The following ATM variants were observed in gnomAD, a reference collection of about 807,000 sequenced individuals.
ATM encodes the protein ATM serine/threonine kinase, also known as serine-protein kinase ATM.
A neutral mutation model predicts 387.0 loss-of-function variants in ATM; 308 were observed. The ratio of observed to expected loss-of-function variants is 0.80; its 90% CI spans 0.73 to 0.87. The LOEUF is 0.87. ATM is among the 40% of genes least tolerant of loss of function. The pLI, the probability that ATM is intolerant of heterozygous loss-of-function variation, is 0.00. For missense variants in ATM, 3,312 were observed against 3,560.9 expected (o/e 0.93, Z 1.78); for synonymous variants, 1,156 against 1,187.3 (o/e 0.97, Z 0.54).
chr11:108,349,480 T>C (rs1224378228), intron 59 of ATM, among the ~76,000 whole-genome samples: 2 of 152,094 alleles, frequency 1.3e-5, no homozygotes, highest in African/African-American at 4.8e-5. Context: ...CTGGCCAACA[T>C]GGTGAAACCC....
rs2137353155 is a variant in ATM at position 108,354,865 on chromosome 11, C to T, written c.8841C>T (p.Thr2947=). 6.2e-7 allele frequency: 1 copy of T among 1,612,702 alleles called. No homozygotes were observed. The highest frequency in any genetic ancestry group is 8.5e-7 in the Non-Finnish European group (1 of 1,178,806). ...GAAACTCTCAGGAAACTCTGTTAAC[C>T]ATTGTAGAGGTAAAGTATTTTATAA... is the stretch of plus-strand genomic sequence containing the variant. The part of the protein sequence containing the change: ...VMRNSQETLL[T]IVEVLLYDPL... The change falls in exon 61 of 63, where the codon ACC becomes ACT. Residue 2947 remains threonine, a synonymous_variant. Coordinates refer to ENST00000675843, the MANE Select transcript of ATM (RefSeq NM_000051.4).
intron 39 of ATM, 76 bp downstream of exon 39, chr11:108,310,391 A>G (rs1001891996): frequency 1.4e-6 from 2 of 1,386,872 alleles, no homozygotes; most frequent in Non-Finnish European, 2.0e-6. Context: ...GTAAAGATTT[A>G]TTTTGCCTCC....
At chr11:108,225,703 C>G (rs1465552763) in intron 1 of ATM, 3 of 152,216 alleles carry the variant, frequency 2.0e-5, no homozygotes, top group African/African-American at 7.2e-5. Context: ...GTCTCGAACT[C>G]CTGACCTCGT....
chr11:108,261,313 T>G (rs1164925967), intron 16 of ATM, among the ~76,000 whole-genome samples: 2 of 152,204 alleles, frequency 1.3e-5, no homozygotes, highest in African/African-American at 4.8e-5. Context: ...CCTCCTCAAG[T>G]GGGTCCCTGA....
chr11:108,335,367 G>T (rs2136676520), intron 55 of ATM: 2 of 1,155,816 alleles, frequency 1.7e-6, no homozygotes, highest in East Asian at 6.4e-5. Flanking sequence ...TGTACAGTGA[G>T]GTTGCTTCTT....
Position 108,368,483 on chromosome 11 carries a change from T to A in ATM, c.*2975T>A, listed in dbSNP as rs1169866522. On this transcript the variant is annotated 3_prime_UTR_variant, in exon 63 of 63. Coordinates refer to ENST00000675843, the MANE Select transcript of ATM (RefSeq NM_000051.4). Reference sequence around the variant, plus strand: ...TTACTTTGCAAGATTAGTGATACTATCCCAATACACTGCTGGAGAAATCAG... The same window carrying A: ...TTACTTTGCAAGATTAGTGATACTAACCCAATACACTGCTGGAGAAATCAG... 5 of 213,942 alleles carry A rather than the reference T, an allele frequency of 2.3e-5. No homozygotes were observed. Among genetic ancestry groups the A allele is most frequent in the Non-Finnish European group, 4.7e-5 (5 of 106,066 alleles). 13.3% of individuals were successfully genotyped at this position (213,942 alleles called of 1,614,324 possible). A position where few individuals can be genotyped will look rare whatever the true frequency, so the allele number is the denominator to read the frequency against.
intron 56 of ATM, 44 bp downstream of exon 56, chr11:108,336,005 G>C (rs1387244932): frequency 6.8e-7 from 1 of 1,472,966 alleles, no homozygotes; most frequent in South Asian, 1.1e-5. Context: ...ACATATAAAA[G>C]ATGCCATTTG....
chr11:108,294,149 A>G (rs529372867), intron 31 of ATM, among the ~76,000 whole-genome samples: 25 of 152,004 alleles, frequency 1.6e-4, no homozygotes, highest in African/African-American at 6.0e-4. Flanking sequence ...CTACCAATGG[A>G]TCTTTTCAAT....
At chr11:108,317,648 TATATAC>T (rs1412713480) in intron 43 of ATM, 127 bp downstream of exon 43, 158 of 133,350 alleles carry the variant, frequency 1.2e-3, no homozygotes, top group African/African-American at 3.6e-3. Context: ...TATATATATA[TATATAC>T]ACACACACAC....
At chr11:108,255,956 T>TTA in intron 13 of ATM, among the ~76,000 whole-genome samples, 1 of 152,142 alleles carries the variant, frequency 6.6e-6, no homozygotes, top group Admixed American at 6.5e-5. Context: ...GGCCTATGTG[T>TTA]ACAGTACACC....
chr11:108,267,813 A>C (rs1057400557), intron 17 of ATM, among the ~76,000 whole-genome samples: 3 of 152,234 alleles, frequency 2.0e-5, no homozygotes, highest in Admixed American at 6.5e-5. Context: ...AGCCGAGATC[A>C]TGCCACTGCA....
chr11:108,362,497 C>G (rs1463276594), intron 61 of ATM, among the ~76,000 whole-genome samples: 1,862 of 149,672 alleles, frequency 0.012, 47 homozygotes, highest in African/African-American at 0.042. Context: ...GACACATGCA[C>G]ACGTATGTTT....
intron 61 of ATM, among the ~76,000 whole-genome samples, chr11:108,364,316 AT>A (rs944548834): frequency 3.8e-4 from 58 of 152,156 alleles, no homozygotes; most frequent in Middle Eastern, 3.4e-3. Flanking sequence ...GCTAAAGCCT[AT>A]TTTTTTTAAA....
intron 16 of ATM, among the ~76,000 whole-genome samples, chr11:108,265,158 A>G (rs2081152427): frequency 6.6e-6 from 1 of 151,672 alleles, no homozygotes; most frequent in African/African-American, 2.4e-5. Flanking sequence ...GAACCAAAAA[A>G]GAGCCCGCAT....
rs35813135 is a variant in ATM at position 108,268,574 on chromosome 11, A to C, written c.2803A>C (p.Thr935Pro). ...ATTGTTAATGTTAATTGATTCTAGC[A>C]CGCTAGAACCTACCAAATCCCTCCA... Reference protein sequence around the residue: ...RKLLMLIDSSTLEPTKSLHLH... With the variant: ...RKLLMLIDSSPLEPTKSLHLH... The change falls in exon 18 of 63, where the codon ACG becomes CCG. Residue 935 changes from threonine (T) to proline (P), a missense_variant. Coordinates refer to ENST00000675843, the MANE Select transcript of ATM (RefSeq NM_000051.4). The C allele has an allele frequency of 2.5e-6, 4 of 1,614,060 alleles. No homozygotes were observed. Among genetic ancestry groups the C allele is most frequent in the Non-Finnish European group, 2.5e-6 (3 of 1,179,992 alleles).
At position 108,312,435 on chromosome 11, in the gene ATM, C is replaced by T. The variant is rs769252226; in HGVS notation, c.5943C>T (p.Ser1981=). 2 of 1,596,180 alleles carry T rather than the reference C, an allele frequency of 1.3e-6. No homozygotes were observed. Among genetic ancestry groups the T allele is most frequent in the South Asian group, 2.2e-5 (2 of 90,700 alleles). Residue 1981 remains serine (S), a synonymous_variant, in exon 40 of 63, where the codon AGC becomes AGT. Coordinates refer to ENST00000675843, the MANE Select transcript of ATM (RefSeq NM_000051.4). ...GAAGTCTTGCATTTGAAGAAGGAAG[C>T]CAGAGTACAACTATTTCTAGCTTGA... ...EKRSLAFEEG[S]QSTTISSLSE...
chr11:108,267,147 C>G (rs780400005), intron 16 of ATM, 24 bp from the exon 17 acceptor site: 1 of 1,612,758 alleles, frequency 6.2e-7, no homozygotes, highest in Non-Finnish European at 8.5e-7. Flanking sequence ...CCATCTTGAA[C>G]ATCTTTGTTT....
rs777648248 is a variant in ATM at position 108,345,890 on chromosome 11, G to A, written c.8566G>A (p.Val2856Ile). ...FEKRLAYTRS[V>I]ATSSIVGYIL... ...GAAGCGATTGGCTTATACGCGCAGT[G>A]TAGCTACTTCTTCTATTGGTAATCT... is the stretch of plus-strand genomic sequence containing the variant. Residue 2856 changes from valine (V) to isoleucine (I), a missense_variant, in exon 58 of 63, where the codon GTA (valine) becomes ATA (isoleucine). Transcript: ENST00000675843. The A allele has an allele frequency of 3.7e-6, 6 of 1,613,586 alleles. No homozygotes were observed. Among genetic ancestry groups the A allele is most frequent in the Non-Finnish European group, 5.1e-6 (6 of 1,179,748 alleles).
At chr11:108,239,769 G>C (rs371777038) in intron 5 of ATM, among the ~76,000 whole-genome samples, 5 of 152,142 alleles carry the variant, frequency 3.3e-5, no homozygotes, top group Admixed American at 6.6e-5. Flanking sequence ...AGCCCACAAG[G>C]GTTCCAGTTT....
Sources: allele counts gnomAD v4.1 joint callset (sites outside exome capture counted in the v4.1 genomes callset), GRCh38; gene constraint gnomAD v4.1.1; transcripts MANE v1.5; gene names NCBI Gene and HGNC (gene_info 2026-07-23, HGNC 2026-07-21).